The following TTC28 variants were observed in gnomAD, a reference collection of about 807,000 sequenced individuals.
TTC28 encodes tetratricopeptide repeat protein 28.
In TTC28, 61 loss-of-function variants were observed where a neutral mutation model predicts 198.0. That is an observed-to-expected ratio of 0.31 (90% confidence interval 0.25 to 0.38). TTC28 has a LOEUF of 0.38. Among genes scored for constraint, TTC28 ranks in the 10% least tolerant of loss-of-function variants. The probability of loss-of-function intolerance (pLI) is 1.00; values close to 1 mark genes in which losing one functional copy is unlikely to be tolerated. For missense variants in TTC28, 2,678 were observed against 3,164.0 expected (o/e 0.85, Z 3.69); for synonymous variants, 1,171 against 1,297.8 (o/e 0.90, Z 2.10).
At chr22:28,586,378 A>G (rs1209987643) in intron 2 of TTC28, among the ~76,000 whole-genome samples, 1 of 152,036 alleles carries the variant, frequency 6.6e-6, no homozygotes, top group African/African-American at 2.4e-5. Flanking sequence ...AAGTAATAAA[A>G]TCAATAATAT....
intron 1 of TTC28, among the ~76,000 whole-genome samples, chr22:28,671,683 AT>A (rs369361749): frequency 7.7e-5 from 11 of 142,296 alleles, no homozygotes; most frequent in South Asian, 2.2e-4. Flanking sequence ...TTTTGTTTTC[AT>A]TTTTTTTTTG....
intron 2 of TTC28, among the ~76,000 whole-genome samples, chr22:28,493,827 G>T (rs1002278667): frequency 1.3e-5 from 2 of 152,142 alleles, no homozygotes. Context: ...GCACCACAAG[G>T]ATGCAGTCAG....
chr22:28,275,166 C>T (rs906801867), intron 5 of TTC28, among the ~76,000 whole-genome samples: 1 of 151,986 alleles, frequency 6.6e-6, no homozygotes, highest in African/African-American at 2.4e-5. Flanking sequence ...CTATTCAGTC[C>T]GCATTACGGA....
intron 2 of TTC28, among the ~76,000 whole-genome samples, chr22:28,439,944 T>C (rs1209013719): frequency 6.6e-6 from 1 of 152,170 alleles, no homozygotes; most frequent in Admixed American, 6.5e-5. Flanking sequence ...CAAGCGATTC[T>C]CCTGTCTCAG....
intron 2 of TTC28, among the ~76,000 whole-genome samples, chr22:28,324,000 AT>A (rs1356329367): frequency 6.6e-6 from 1 of 152,190 alleles, no homozygotes; most frequent in Admixed American, 6.5e-5. Context: ...TTACACTATA[AT>A]AGTATATCTG....
At chr22:28,302,830 ATGTTTTTAACATAACATT>A (rs2045055420) in intron 3 of TTC28, among the ~76,000 whole-genome samples, 1 of 152,104 alleles carries the variant, frequency 6.6e-6, no homozygotes, top group Non-Finnish European at 1.5e-5. Flanking sequence ...GCCCGAGCCT[ATGTTTTTAACATAACATT>A]TCAGAAGGAA....
intron 5 of TTC28, among the ~76,000 whole-genome samples, chr22:28,284,868 A>G (rs1488464530): frequency 2.0e-5 from 3 of 152,256 alleles, no homozygotes. Context: ...GGGTGTGCAG[A>G]AAAGAAAATG....
chr22:28,312,067 G>T (rs2045268706), intron 2 of TTC28, among the ~76,000 whole-genome samples: 1 of 151,436 alleles, frequency 6.6e-6, no homozygotes, highest in Admixed American at 6.6e-5. Flanking sequence ...TGCAATCCTG[G>T]TCTCTGATAA....
At chr22:28,240,381 T>C (rs2142917) in intron 5 of TTC28, among the ~76,000 whole-genome samples, 9,528 of 152,104 alleles carry the variant, frequency 0.063, 450 homozygotes, top group African/African-American at 0.13. Flanking sequence ...GAATTGGGGG[T>C]ATCTATAAGG....
chr22:28,525,479 A>T (rs899679332), intron 2 of TTC28, among the ~76,000 whole-genome samples: 3 of 152,180 alleles, frequency 2.0e-5, no homozygotes, highest in African/African-American at 7.2e-5. Flanking sequence ...TTCATTAGTT[A>T]TTCCCTAGTA....
chr22:27,982,915 C>T lies in TTC28; in HGVS notation c.6752G>A (p.Ser2251Asn). The change falls in exon 23 of 23, where the codon AGC becomes AAC. Residue 2251 changes from serine to asparagine, a missense_variant. Transcript: ENST00000397906. This position sits in a 1 kb window ranked among gnomAD's most constrained non-coding sequence, Gnocchi z 5.2. Reference protein sequence around the residue: ...SLPKVSSGYSSPTTSEMSIKD... With the variant: ...SLPKVSSGYSNPTTSEMSIKD... Reference sequence around the variant, plus strand: ...GATGGACATCTCTGAGGTGGTGGGGCTGCTATATCCGGAACTCACCTTGGG... The same window carrying T: ...GATGGACATCTCTGAGGTGGTGGGGTTGCTATATCCGGAACTCACCTTGGG... The T allele has an allele frequency of 1.3e-6, 2 of 1,551,610 alleles. No individual in the cohort carries two copies. The highest frequency in any genetic ancestry group is 8.7e-7 in the Non-Finnish European group (1 of 1,146,974).
At chr22:28,438,407 G>A (rs993722268) in intron 2 of TTC28, among the ~76,000 whole-genome samples, 1 of 152,266 alleles carries the variant, frequency 6.6e-6, no homozygotes, top group Non-Finnish European at 1.5e-5. Flanking sequence ...GCTTTTAAAT[G>A]GAACTCCATC....
intron 2 of TTC28, among the ~76,000 whole-genome samples, chr22:28,394,533 G>T (rs1227362872): frequency 3.3e-5 from 5 of 152,142 alleles, no homozygotes; most frequent in African/African-American, 1.2e-4. Flanking sequence ...TACTTAAACA[G>T]CTTCTGCTAA....
chr22:28,370,182 C>T (rs2046310473), intron 2 of TTC28, among the ~76,000 whole-genome samples: 1 of 152,218 alleles, frequency 6.6e-6, no homozygotes, highest in African/African-American at 2.4e-5. Flanking sequence ...CCCTGCCTCA[C>T]TGCAATTGTT....
intron 1 of TTC28, among the ~76,000 whole-genome samples, chr22:28,651,311 C>CTTTTTTTTTCTTTTTTT: frequency 6.8e-6 from 1 of 147,548 alleles, no homozygotes; most frequent in Admixed American, 6.7e-5. Context: ...TCTGTCACTC[C>CTTTTTTTTTCTTTTTTT]TTTTTTTTGA....
At chr22:28,515,726 T>C (rs2048773011) in intron 2 of TTC28, among the ~76,000 whole-genome samples, 1 of 152,220 alleles carries the variant, frequency 6.6e-6, no homozygotes, top group African/African-American at 2.4e-5. Context: ...TCTGAAATTT[T>C]ACAAATTACA....
intron 1 of TTC28, among the ~76,000 whole-genome samples, chr22:28,634,240 G>T (rs1168302062): frequency 1.3e-5 from 2 of 152,182 alleles, no homozygotes; most frequent in South Asian, 4.1e-4. Flanking sequence ...GGCCGGGAGT[G>T]GTGGCTCACG....
intron 5 of TTC28, among the ~76,000 whole-genome samples, chr22:28,277,083 A>C (rs1411186704): frequency 6.6e-6 from 1 of 152,136 alleles, no homozygotes; most frequent in Non-Finnish European, 1.5e-5. Context: ...AAATAATAAA[A>C]AAAATTTAGA....
chr22:28,223,688 T>G (rs1928059415), intron 5 of TTC28, among the ~76,000 whole-genome samples: 2 of 152,216 alleles, frequency 1.3e-5, no homozygotes, highest in Non-Finnish European at 2.9e-5. Flanking sequence ...CACAAGTGGC[T>G]AGGTTCAAGA....
Sources: gnomAD v4.1 joint callset for allele counts (sites outside exome capture counted in the v4.1 genomes callset) on GRCh38, gnomAD v4.1.1 for gene constraint, Gnocchi (gnomAD v3.1) non-coding constraint, MANE v1.5 for transcripts, NCBI Gene and HGNC (gene_info 2026-07-23, HGNC 2026-07-21) for gene names.